The following OXR1 variants were observed in gnomAD, a reference collection of about 807,000 sequenced individuals.
OXR1 encodes oxidation resistance 1, also known as oxidation resistance protein 1.
A neutral mutation model predicts 104.6 loss-of-function variants in OXR1; 41 were observed. That is an observed-to-expected ratio of 0.39 (90% confidence interval 0.31 to 0.51). The LOEUF is 0.51. OXR1 is among the 20% of genes least tolerant of loss of function. OXR1 has a pLI of 0.77. For synonymous variants in OXR1, 348 were observed against 348.4 expected (o/e 1.00, Z 0.01); for missense variants, 955 against 1,031.9 (o/e 0.93, Z 1.02).
intron 3 of OXR1, among the ~76,000 whole-genome samples, chr8:106,528,811 C>G (rs1337912353): frequency 8.5e-5 from 13 of 152,206 alleles, no homozygotes; most frequent in Admixed American, 1.3e-4. Context: ...TTAGAAGATT[C>G]TTCATGGAAA....
chr8:106,488,402 T>G (rs1810841325), intron 2 of OXR1, among the ~76,000 whole-genome samples: 2 of 147,646 alleles, frequency 1.4e-5, no homozygotes, highest in Non-Finnish European at 3.0e-5. Context: ...TAGTTTCTTT[T>G]GCTGTGCAGA....
At chr8:106,453,122 C>G (rs1230610145) in intron 2 of OXR1, among the ~76,000 whole-genome samples, 2 of 152,166 alleles carry the variant, frequency 1.3e-5, no homozygotes, top group Non-Finnish European at 2.9e-5. Context: ...AGTGCCTGGT[C>G]AGATGTGACT....
In OXR1 at chr8:106,710,627, G is replaced by T; in HGVS notation, c.1630G>T (p.Ala544Ser). The part of the protein sequence containing the change: ...TSADGHIESS[A>S]LLKEKQRHRL... ...TGTTTGCATCTCAATTCTAGGTTCT[G>T]CACTTTTAAAAGAAAAGCAAAGGCA... The change falls in exon 10 of 17, where the codon GCA becomes TCA. Residue 544 changes from alanine (A) to serine (S), a missense_variant. By Grantham distance (99) the Ala-to-Ser change is moderately conservative (BLOSUM62 1). Coordinates refer to ENST00000517566, the MANE Select transcript of OXR1 (RefSeq NM_001198533.2). The T allele has an allele frequency of 6.3e-7, 1 of 1,584,220 alleles. No homozygotes were observed. The highest frequency in any genetic ancestry group is 1.2e-5 in the South Asian group (1 of 86,110).
chr8:106,737,454 T>TTC (rs1212323222), intron 11 of OXR1, 66 bp from the exon 12 acceptor site: 2 of 373,482 alleles, frequency 5.4e-6, no homozygotes, highest in African/African-American at 4.4e-5. Flanking sequence ...TTTTTTTTTT[T>TTC]TTTTTTTTTT....
intron 2 of OXR1, among the ~76,000 whole-genome samples, chr8:106,438,618 A>G (rs1819670116): frequency 6.6e-6 from 1 of 152,194 alleles, no homozygotes; most frequent in Non-Finnish European, 1.5e-5. Context: ...ATTCATTTTT[A>G]TCATCTGTAA....
At chr8:106,574,828 A>G (rs1188867766) in intron 3 of OXR1, among the ~76,000 whole-genome samples, 1 of 152,254 alleles carries the variant, frequency 6.6e-6, no homozygotes, top group Non-Finnish European at 1.5e-5. Flanking sequence ...AAATTATAAC[A>G]TGTACTCTTT....
rs187062186 is a variant in OXR1, at chr8:106,399,231, G to C, written c.23+39595G>C. 4.0e-3 allele frequency among the ~76,000 whole-genome samples: 612 copies of C among 152,166 alleles called. 8 individuals are homozygous for C. Among genetic ancestry groups the C allele is most frequent in the African/African-American group, 0.014 (569 of 41,536 alleles). On this transcript the variant is annotated intron_variant, in intron 2 of 16. Transcript: ENST00000517566. ...TCCCAGTGCACTTCATTGTGTTCTT[G>C]TCAGGATTAGAAGAATAAAGATAGT...
In OXR1 at chr8:106,595,787, G is replaced by A. The variant is rs150176409; in HGVS notation, c.220+76648G>A. ...ACATTTGTGCCAGGTAAAACTCCTA[G>A]AGCAGTATTCAAATTCTCAAAACTT... is the stretch of plus-strand genomic sequence containing the variant. On this transcript the variant is annotated intron_variant, in intron 3 of 16. Transcript: ENST00000517566. 2.4e-4 allele frequency among the ~76,000 whole-genome samples: 36 copies of A among 152,126 alleles called. No homozygotes were observed. The East Asian group carries it at 7.0e-3, about 29-fold the overall frequency.
At chr8:106,334,707 C>CT (rs2130240151) in intron 1 of OXR1, among the ~76,000 whole-genome samples, 1 of 152,258 alleles carries the variant, frequency 6.6e-6, no homozygotes, top group East Asian at 1.9e-4. Context: ...TTATTGCATG[C>CT]TTCCCCTTCT....
chr8:106,319,902 T>C (rs1814142444), intron 1 of OXR1, among the ~76,000 whole-genome samples: 1 of 152,190 alleles, frequency 6.6e-6, no homozygotes, highest in African/African-American at 2.4e-5. Context: ...TGCAGCACAG[T>C]CCTGTGGGTG....
intron 3 of OXR1, among the ~76,000 whole-genome samples, chr8:106,615,132 A>G (rs72680991): frequency 0.014 from 2,176 of 152,160 alleles, 28 homozygotes; most frequent in South Asian, 0.063. Flanking sequence ...TAGCCTGGGC[A>G]ACATGGAGAA....
In OXR1 at chr8:106,745,832, A is replaced by G; in HGVS notation, c.2456A>G (p.Asp819Gly). 6.3e-7 allele frequency: 1 copy of G among 1,591,946 alleles called. No individual in the cohort carries two copies. The highest frequency in any genetic ancestry group is 8.6e-7 in the Non-Finnish European group (1 of 1,161,038). Residue 819 changes from aspartate (D) to glycine (G), a missense_variant, in exon 16 of 17, where the codon GAC becomes GGC. By Grantham distance (94) the Asp-to-Gly change is moderately conservative. Coordinates refer to ENST00000517566, the MANE Select transcript of OXR1 (RefSeq NM_001198533.2). ...TGDNMFFIKGDMDSLAFGGGG... is the reference protein window; with the variant it reads ...TGDNMFFIKGGMDSLAFGGGG... The stretch of plus-strand genomic sequence containing the variant: ...GATAATATGTTTTTTATCAAAGGAG[A>G]CATGGATTCACTAGCTTTCGGTGGT...
intron 3 of OXR1, among the ~76,000 whole-genome samples, chr8:106,641,333 A>G (rs1461580711): frequency 1.3e-5 from 2 of 152,228 alleles, no homozygotes; most frequent in African/African-American, 4.8e-5. Flanking sequence ...GCAAGCCCAG[A>G]AAGATATGTC....
At chr8:106,479,299 AAT>A (rs1459379687) in intron 2 of OXR1, among the ~76,000 whole-genome samples, 1 of 151,986 alleles carries the variant, frequency 6.6e-6, no homozygotes, top group African/African-American at 2.4e-5. Context: ...TAATGCTGTT[AAT>A]AATTATGCAT....
chr8:106,277,123 T>G (rs1563690247), intron 1 of OXR1, among the ~76,000 whole-genome samples: 1 of 152,216 alleles, frequency 6.6e-6, no homozygotes, highest in Non-Finnish European at 1.5e-5. Context: ...AATGTATGTA[T>G]TCTTATTTGT....
intron 2 of OXR1, among the ~76,000 whole-genome samples, chr8:106,431,239 G>A (rs1386906787): frequency 6.6e-6 from 1 of 152,122 alleles, no homozygotes; most frequent in Non-Finnish European, 1.5e-5. Flanking sequence ...CTAAATTGCT[G>A]ACCTAAAAAT....
rs1224730302 is a variant in OXR1, at chr8:106,271,919, A to G, written c.-139+1552A>G. The G allele has an allele frequency of 2.6e-5, 4 of 151,888 alleles. No homozygotes were observed. In the East Asian group the frequency reaches 7.8e-4, roughly 30 times the overall value. 9.4% of individuals were successfully genotyped at this position (151,888 alleles called of 1,614,324 possible). A position where few individuals can be genotyped will look rare whatever the true frequency, so the allele number is the denominator to read the frequency against. ...CCAAAGGGTCCATCTCCAAGGCGTC[A>G]CTCCAGGGGTCCGCGGTTCACTTTG... is the stretch of plus-strand genomic sequence containing the variant. On this transcript the variant is annotated intron_variant, in intron 1 of 16. Coordinates refer to ENST00000517566, the MANE Select transcript of OXR1 (RefSeq NM_001198533.2).
At chr8:106,734,540 G>A (rs190342817) in intron 11 of OXR1, among the ~76,000 whole-genome samples, 238 of 152,236 alleles carry the variant, frequency 1.6e-3, no homozygotes, top group African/African-American at 5.4e-3. Context: ...AGGGAGATTT[G>A]GGGTTTGTTT....
At chr8:106,521,042 G>A (rs941213798) in intron 3 of OXR1, among the ~76,000 whole-genome samples, 1 of 152,134 alleles carries the variant, frequency 6.6e-6, no homozygotes, top group African/African-American at 2.4e-5. Context: ...CATAATCAAT[G>A]GGAGTGGCAT....
Sources: gnomAD v4.1 joint callset for allele counts (sites outside exome capture counted in the v4.1 genomes callset) on GRCh38, gnomAD v4.1.1 for gene constraint, MANE v1.5 for transcripts, NCBI Gene and HGNC (gene_info 2026-07-23, HGNC 2026-07-21) for gene names.